Variants in OSBPL3 observed in about 807,000 individuals in gnomAD.
OSBPL3 encodes the protein oxysterol-binding protein-related protein 3.
OSBPL3 carries 65 observed loss-of-function variants against 120.1 expected under a neutral mutation model. The observed-to-expected ratio is 0.54, with a 90% confidence interval of 0.44 to 0.67. The LOEUF (loss-of-function observed/expected upper bound fraction) is 0.67, where lower values mean the gene tolerates loss of function less well. Among genes scored for constraint, OSBPL3 ranks in the 30% least tolerant of loss-of-function variants. The pLI is 0.00. For synonymous variants in OSBPL3, 416 were observed against 402.6 expected (o/e 1.03, Z -0.40); for missense variants, 1,004 against 1,082.1 (o/e 0.93, Z 1.01).
rs1262391778 is a variant in OSBPL3 at position 24,933,554 on chromosome 7, A to AC, written c.-149-40934dup. ...CTAGTCTAAACCCCAAACAAGATTC[A>AC]CCCTACCATGCAAAACACTTAAATC... On this transcript the variant is annotated intron_variant, in intron 1 of 22. Transcript: ENST00000313367. This position sits in a 1 kb window ranked among gnomAD's most constrained non-coding sequence, Gnocchi z 5.1. Among the ~76,000 whole-genome samples the AC allele has an allele frequency of 6.6e-6, 1 of 152,158 alleles. No homozygotes were observed. Among genetic ancestry groups the AC allele is most frequent in the African/African-American group, 2.4e-5 (1 of 41,426 alleles).
At chr7:24,897,215 A>C (rs918218460) in intron 1 of OSBPL3, among the ~76,000 whole-genome samples, 3 of 152,148 alleles carry the variant, frequency 2.0e-5, no homozygotes, top group African/African-American at 7.2e-5. Flanking sequence ...ACAGATGTAA[A>C]GGCTCATGGC....
intron 22 of OSBPL3, among the ~76,000 whole-genome samples, chr7:24,800,516 G>A (rs945369626): frequency 6.7e-6 from 1 of 149,640 alleles, no homozygotes; most frequent in African/African-American, 2.5e-5. Flanking sequence ...GAGTGTAGTG[G>A]CATGATCTTG....
chr7:24,979,742 G>A (rs1044629978), intron 1 of OSBPL3, 144 bp downstream of exon 1: 1 of 325,154 alleles, frequency 3.1e-6, no homozygotes, highest in African/African-American at 2.2e-5. Context: ...CTGCCCCAGG[G>A]CCGGAGCCTC....
rs1307647019 is a variant in OSBPL3 at position 24,868,361 on chromosome 7, GTGTGTGTGTC to G, written c.382-2134_382-2125del. Among the ~76,000 whole-genome samples the G allele has an allele frequency of 1.1e-4, 16 of 150,070 alleles. No homozygotes were observed. The East Asian group carries it at 2.7e-3, about 25-fold the overall frequency. Reference sequence around the variant, plus strand: ...AAAGTGTGTGTGTGTGTGTGTGTGTGTGTGTGTGTCTGTGTGTGATGGTGTATTGATATTT... The same window carrying G: ...AAAGTGTGTGTGTGTGTGTGTGTGTGTGTGTGTGATGGTGTATTGATATTT... On this transcript the variant is annotated intron_variant, in intron 5 of 22. Transcript: ENST00000313367.
rs1810023975 is a variant in OSBPL3, at chr7:24,918,674, A to G, written c.-149-26053T>C. On this transcript the variant is annotated intron_variant, in intron 1 of 22. Coordinates refer to ENST00000313367, the MANE Select transcript of OSBPL3 (RefSeq NM_015550.4). The surrounding 1 kb of genome is among the most constrained non-coding windows in gnomAD (Gnocchi z 4.3). ...ACTAATCACTTACCATTGGTCAGGC[A>G]CAGTTTTAGACACTGGAGATAAGGC... 6.6e-6 allele frequency among the ~76,000 whole-genome samples: 1 copy of G among 152,232 alleles called. No individual in the cohort carries two copies. The highest frequency in any genetic ancestry group is 1.5e-5 in the Non-Finnish European group (1 of 68,038).
rs1408626280 is a variant in OSBPL3 at position 24,815,582 on chromosome 7, C to A, written c.2028-379G>T. On this transcript the variant is annotated intron_variant, in intron 18 of 22. Coordinates refer to ENST00000313367, the MANE Select transcript of OSBPL3 (RefSeq NM_015550.4). The surrounding 1 kb of genome is among the most constrained non-coding windows in gnomAD (Gnocchi z 5.1). ...TTGAGAAAGGGATGAAGGTTTTATA[C>A]AATCTGCTAAACATACATTGCCTGC... is the stretch of plus-strand genomic sequence containing the variant. Among the ~76,000 whole-genome samples the A allele has an allele frequency of 6.6e-6, 1 of 152,172 alleles. No homozygotes were observed. Among genetic ancestry groups the A allele is most frequent in the African/African-American group, 2.4e-5 (1 of 41,428 alleles).
intron 11 of OSBPL3, among the ~76,000 whole-genome samples, chr7:24,850,113 T>A (rs554432085): frequency 6.6e-6 from 1 of 152,028 alleles, no homozygotes; most frequent in Non-Finnish European, 1.5e-5. Flanking sequence ...CTTACCTGCA[T>A]AAGGGCTTAA....
At position 24,866,218 on chromosome 7, in the gene OSBPL3, A is replaced by G. The variant is rs1801299017; in HGVS notation, c.401T>C (p.Phe134Ser). The G allele has an allele frequency of 6.2e-7, 1 of 1,611,084 alleles. No homozygotes were observed. Among genetic ancestry groups the G allele is most frequent in the Non-Finnish European group, 8.5e-7 (1 of 1,177,344 alleles). ...YHLKVKSEEV[F>S]DEWVSKLRHH... ...GCGAAGTTTCGATACCCACTCATCA[A>G]AGACTTCTTCTGACTTGACCTATAA... The change falls in exon 6 of 23, where the codon TTT (phenylalanine) becomes TCT (serine). Residue 134 changes from phenylalanine (F) to serine (S), a missense_variant. This residue lies in a region of OSBPL3 where 255 missense variants were observed against 248.7 expected (regional missense o/e 1.03). Coordinates refer to ENST00000313367, the MANE Select transcript of OSBPL3 (RefSeq NM_015550.4).
chr7:24,815,141 T>C lies in OSBPL3; in HGVS notation c.2090A>G (p.Gln697Arg). 1 of 1,613,276 alleles carries C rather than the reference T, an allele frequency of 6.2e-7. No homozygotes were observed. Among genetic ancestry groups the C allele is most frequent in the Non-Finnish European group, 8.5e-7 (1 of 1,179,218 alleles). Residue 697 changes from glutamine to arginine, a missense_variant, in exon 19 of 23, where the codon CAG (glutamine) becomes CGG (arginine). Around this residue, in one of 4 missense-constraint regions of OSBPL3, gnomAD observed 473 missense variants for 568.0 expected, o/e 0.83. Transcript: ENST00000313367. This position sits in a 1 kb window ranked among gnomAD's most constrained non-coding sequence, Gnocchi z 5.1. ...TSCIHNILSGQRWIEHYGEIV... is the reference protein window; with the variant it reads ...TSCIHNILSGRRWIEHYGEIV... The stretch of plus-strand genomic sequence containing the variant: ...CTCTCCATAGTGCTCAATCCACCTC[T>C]GCCCGCTTAAGATGTTATGGATGCA...
At chr7:24,973,775 T>TA (rs1412699142) in intron 1 of OSBPL3, among the ~76,000 whole-genome samples, 3 of 152,194 alleles carry the variant, frequency 2.0e-5, no homozygotes, top group Non-Finnish European at 4.4e-5. Context: ...TATTTCCCAA[T>TA]CCTTTCATAC....
rs528414718 is a variant in OSBPL3, at chr7:24,946,390, A to G, written c.-150+33496T>C. On this transcript the variant is annotated intron_variant, in intron 1 of 22. Transcript: ENST00000313367. This position sits in a 1 kb window ranked among gnomAD's most constrained non-coding sequence, Gnocchi z 4.3. ...CAACTCGTATTTAAGAGAAGGGTACACAGACCTCACCTATCAATGAAAGAA... is the reference window on the plus strand; with the variant it reads ...CAACTCGTATTTAAGAGAAGGGTACGCAGACCTCACCTATCAATGAAAGAA... Among the ~76,000 whole-genome samples, 289 of 152,314 alleles carry G rather than the reference A, an allele frequency of 1.9e-3. 1 individual carries two copies. The highest frequency in any genetic ancestry group is 3.4e-3 in the Middle Eastern group (1 of 294).
intron 5 of OSBPL3, among the ~76,000 whole-genome samples, chr7:24,870,395 G>A (rs966672300): frequency 1.3e-5 from 2 of 152,166 alleles, no homozygotes; most frequent in Admixed American, 1.3e-4. Flanking sequence ...TCAGGAACAC[G>A]TTTTAACCTA....
intron 1 of OSBPL3, among the ~76,000 whole-genome samples, chr7:24,905,929 G>A (rs1230091853): frequency 6.6e-6 from 1 of 151,882 alleles, no homozygotes; most frequent in Non-Finnish European, 1.5e-5. Context: ...CTATTTGGGA[G>A]GCTGAGGCAG....
chr7:24,858,841 C>T (rs1484241696), intron 10 of OSBPL3, among the ~76,000 whole-genome samples: 1 of 152,200 alleles, frequency 6.6e-6, no homozygotes. Context: ...GCAGCTTCTT[C>T]AATGGAGGTG....
At chr7:24,848,222 A>C (rs1365873618) in intron 12 of OSBPL3, among the ~76,000 whole-genome samples, 1 of 152,270 alleles carries the variant, frequency 6.6e-6, no homozygotes, top group African/African-American at 2.4e-5. Flanking sequence ...CAGAAAAAGA[A>C]GGACGAAACA....
rs553779823 is a variant in OSBPL3, at chr7:24,830,217, G to C, written c.1884+551C>G. 6.6e-6 allele frequency among the ~76,000 whole-genome samples: 1 copy of C among 152,136 alleles called. No homozygotes were observed. The highest frequency in any genetic ancestry group is 2.4e-5 in the African/African-American group (1 of 41,418). ...TGTGCATCCATCAGATGAGGGCAGG[G>C]ACTCCTGTCCGGACCCCTCACCCCC... is the stretch of plus-strand genomic sequence containing the variant. On this transcript the variant is annotated intron_variant, in intron 16 of 22. Transcript: ENST00000313367. The surrounding 1 kb of genome is among the most constrained non-coding windows in gnomAD (Gnocchi z 4.4).
Position 24,849,659 on chromosome 7 carries a change from A to G in OSBPL3, c.1159-483T>C, listed in dbSNP as rs922749452. ...TCATACCCATTGAATCAGATTTTAG[A>G]AAGTGTGCTGGAGGCCGGGCAAGGT... On this transcript the variant is annotated intron_variant, in intron 11 of 22. Coordinates refer to ENST00000313367, the MANE Select transcript of OSBPL3 (RefSeq NM_015550.4). This position sits in a 1 kb window ranked among gnomAD's most constrained non-coding sequence, Gnocchi z 5.4. Among the ~76,000 whole-genome samples the G allele has an allele frequency of 6.6e-6, 1 of 152,296 alleles. No homozygotes were observed. The highest frequency in any genetic ancestry group is 6.5e-5 in the Admixed American group (1 of 15,286).
At chr7:24,870,992 G>C in intron 4 of OSBPL3, 147 bp from the exon 5 acceptor site, 1 of 645,392 alleles carries the variant, frequency 1.5e-6, no homozygotes, top group Non-Finnish European at 2.8e-6. Context: ...GCTGAGTTAC[G>C]TGCTGGACAT....
chr7:24,870,615 T>C (rs1026921859), intron 5 of OSBPL3, 117 bp downstream of exon 5: 4 of 677,894 alleles, frequency 5.9e-6, no homozygotes, highest in Non-Finnish European at 8.2e-6. Context: ...AGAAACACTT[T>C]GGTAATGAAG....
Sources: allele counts gnomAD v4.1 joint callset (sites outside exome capture counted in the v4.1 genomes callset), GRCh38; gene constraint gnomAD v4.1.1; regional missense constraint gnomAD v4.1.1; non-coding constraint Gnocchi (gnomAD v3.1); transcripts MANE v1.5; gene names NCBI Gene and HGNC (gene_info 2026-07-23, HGNC 2026-07-21).